PLCB4: variants seen among roughly 807,000 people sequenced by gnomAD.
PLCB4 encodes phospholipase C beta 4, also known as 1-phosphatidylinositol 4,5-bisphosphate phosphodiesterase beta-4.
In PLCB4, 77 loss-of-function variants were observed where a neutral mutation model predicts 178.8. That is an observed-to-expected ratio of 0.43 (90% CI 0.36 to 0.52). PLCB4 has a LOEUF of 0.52. Among genes scored for constraint, PLCB4 ranks in the 20% least tolerant of loss-of-function variants. PLCB4 has a pLI of 0.00. For synonymous variants in PLCB4, 496 were observed against 490.8 expected (o/e 1.01, Z -0.14); for missense variants, 1,024 against 1,453.4 (o/e 0.70, Z 4.80).
chr20:9,307,494 TACACACACACACACAC>T (rs745918024), intron 3 of PLCB4, among the ~76,000 whole-genome samples: 1,458 of 138,132 alleles, frequency 0.011, 17 homozygotes, highest in African/African-American at 0.018. Context: ...AAAAAAAGAA[TACACACACACACACAC>T]ACACACACAC....
chr20:9,086,872 A>G (rs1261911187), intron 1 of PLCB4, among the ~76,000 whole-genome samples: 1 of 152,334 alleles, frequency 6.6e-6, no homozygotes, highest in Non-Finnish European at 1.5e-5. Flanking sequence ...GTTTAAATGA[A>G]GGGCTTAGGC....
chr20:9,287,398 T>A (rs1172719926), intron 3 of PLCB4, among the ~76,000 whole-genome samples: 2 of 152,086 alleles, frequency 1.3e-5, no homozygotes, highest in South Asian at 2.1e-4. Flanking sequence ...ACAAAGACCT[T>A]AACCATGTTT....
At chr20:9,135,152 G>A (rs1245361966) in intron 2 of PLCB4, among the ~76,000 whole-genome samples, 3 of 151,978 alleles carry the variant, frequency 2.0e-5, no homozygotes, top group Non-Finnish European at 2.9e-5. Flanking sequence ...TGCACAATGT[G>A]TGTGTATATA....
At chr20:9,416,783 A>C (rs1054993655) in intron 25 of PLCB4, among the ~76,000 whole-genome samples, 2 of 152,210 alleles carry the variant, frequency 1.3e-5, no homozygotes, top group African/African-American at 4.8e-5. Context: ...TCAACATTTC[A>C]ACAATTGTGT....
intron 38 of PLCB4, among the ~76,000 whole-genome samples, chr20:9,474,240 A>G (rs1189300971): frequency 6.6e-6 from 1 of 151,534 alleles, no homozygotes; most frequent in Non-Finnish European, 1.5e-5. Context: ...GGAGTTACCC[A>G]AACACCAACT....
intron 3 of PLCB4, among the ~76,000 whole-genome samples, chr20:9,235,778 G>A (rs2093986546): frequency 6.6e-6 from 1 of 152,212 alleles, no homozygotes; most frequent in African/African-American, 2.4e-5. Context: ...ATTGAAGAGG[G>A]ATGAATGTAA....
Position 9,326,226 on chromosome 20 carries a change from A to G in PLCB4, c.85-10900A>G, listed in dbSNP as rs548512885. The stretch of plus-strand genomic sequence containing the variant: ...AAATTTTATTTTATTTTTTAAATAT[A>G]TAATATGAGAGATCAGAAAAGATGG... On this transcript the variant is annotated intron_variant, in intron 4 of 39. Coordinates refer to ENST00000378473, the MANE Select transcript of PLCB4 (RefSeq NM_001377142.1). Among the ~76,000 whole-genome samples the G allele has an allele frequency of 5.9e-5, 9 of 152,316 alleles. No individual in the cohort carries two copies. In the East Asian group the frequency reaches 1.7e-3, roughly 29 times the overall value.
intron 3 of PLCB4, among the ~76,000 whole-genome samples, chr20:9,292,048 T>C (rs6039434): frequency 0.028 from 4,276 of 152,222 alleles, 209 homozygotes; most frequent in African/African-American, 0.097. Context: ...TTTATTTTAA[T>C]GAGAAAATAG....
intron 3 of PLCB4, among the ~76,000 whole-genome samples, chr20:9,237,956 TA>T (rs2094011633): frequency 6.6e-6 from 1 of 152,030 alleles, no homozygotes; most frequent in Non-Finnish European, 1.5e-5. Context: ...AGCTTTTCAT[TA>T]GGAGAGGAAT....
intron 7 of PLCB4, among the ~76,000 whole-genome samples, chr20:9,339,644 A>G (rs181010154): frequency 6.6e-5 from 10 of 152,328 alleles, no homozygotes; most frequent in Admixed American, 2.6e-4. Context: ...TCTTTTGCTC[A>G]TACTAAGTCT....
intron 19 of PLCB4, among the ~76,000 whole-genome samples, chr20:9,400,087 A>G (rs953024005): frequency 6.6e-6 from 1 of 152,104 alleles, no homozygotes; most frequent in African/African-American, 2.4e-5. Flanking sequence ...CCTTACAATT[A>G]CCCACTTGTT....
At chr20:9,116,723 G>GA (rs2091792732) in intron 2 of PLCB4, among the ~76,000 whole-genome samples, 2 of 151,764 alleles carry the variant, frequency 1.3e-5, no homozygotes, top group Non-Finnish European at 1.5e-5. Context: ...CAAGTTCCAT[G>GA]AAAAAAAATC....
chr20:9,421,809 G>A (rs141339119), intron 27 of PLCB4, among the ~76,000 whole-genome samples: 4 of 152,316 alleles, frequency 2.6e-5, no homozygotes, highest in Non-Finnish European at 4.4e-5. Flanking sequence ...CTTTAGCCAA[G>A]TAGTCAGGTA....
At chr20:9,179,212 A>C (rs762277449) in intron 2 of PLCB4, among the ~76,000 whole-genome samples, 26 of 152,140 alleles carry the variant, frequency 1.7e-4, no homozygotes, top group Non-Finnish European at 3.4e-4. Context: ...TCCATTGTGC[A>C]GGTGGATAGG....
intron 1 of PLCB4, among the ~76,000 whole-genome samples, chr20:9,072,052 A>G (rs890424728): frequency 6.6e-6 from 1 of 152,224 alleles, no homozygotes; most frequent in African/African-American, 2.4e-5. Flanking sequence ...TTTTTAAAAT[A>G]GTTGCTTTTC....
At chr20:9,368,098 A>G (rs1382973457) in intron 9 of PLCB4, among the ~76,000 whole-genome samples, 1 of 152,214 alleles carries the variant, frequency 6.6e-6, no homozygotes. Context: ...GTTATTCACT[A>G]TCATTCTGAA....
At chr20:9,078,534 G>T (rs2089990999) in intron 1 of PLCB4, among the ~76,000 whole-genome samples, 1 of 151,694 alleles carries the variant, frequency 6.6e-6, no homozygotes, top group African/African-American at 2.4e-5. Flanking sequence ...GCTAATTTTT[G>T]TATTTTTAGT....
intron 7 of PLCB4, among the ~76,000 whole-genome samples, chr20:9,348,671 T>G (rs186558365): frequency 5.3e-5 from 8 of 152,258 alleles, no homozygotes; most frequent in Admixed American, 3.9e-4. Context: ...AACTCCCTAC[T>G]TTCATAAGGA....
chr20:9,209,509 A>G (rs570446581), intron 2 of PLCB4, among the ~76,000 whole-genome samples: 1 of 152,236 alleles, frequency 6.6e-6, no homozygotes, highest in South Asian at 2.1e-4. Context: ...TTTGTCCTTG[A>G]TGGACCCTAA....
Sources: allele counts gnomAD v4.1 joint callset (sites outside exome capture counted in the v4.1 genomes callset), GRCh38; gene constraint gnomAD v4.1.1; transcripts MANE v1.5; gene names NCBI Gene and HGNC (gene_info 2026-07-23, HGNC 2026-07-21).